Variants in PVT1 observed in about 807,000 individuals in gnomAD.
PVT1 encodes the protein Pvt1 oncogene, also known as CXCR4/PVT1 fusion.
At chr8:127,919,892 TC>T (rs1164640910) in intron 3 of PVT1, among the ~76,000 whole-genome samples, 1 of 152,196 alleles carries the variant, frequency 6.6e-6, no homozygotes, top group African/African-American at 2.4e-5. Flanking sequence ...CTGAATCTTA[TC>T]CCTTCGCAGC....
chr8:127,862,084 A>T (rs1815234505), intron 2 of PVT1, among the ~76,000 whole-genome samples: 1 of 152,156 alleles, frequency 6.6e-6, no homozygotes, highest in Admixed American at 6.6e-5. Flanking sequence ...TGAGCATTCT[A>T]ATTACTGCAG....
rs1381080532 is a variant in PVT1 at position 128,006,829 on chromosome 8, C to T, written n.912+17538C>T. 1.3e-5 allele frequency among the ~76,000 whole-genome samples: 2 copies of T among 152,234 alleles called. 1 individual carries two copies. The highest frequency in any genetic ancestry group is 4.1e-4 in the South Asian group (2 of 4,824). On this transcript the variant is annotated intron_variant and non_coding_transcript_variant, in intron 4 of 10. Coordinates refer to ENST00000651587, the Ensembl canonical transcript of PVT1. Reference sequence around the variant, plus strand: ...TGTGCTCAGATTTTTCTAGATTTTACATTGGGATGCCCTTCAAGTTGGGTT... The same window carrying T: ...TGTGCTCAGATTTTTCTAGATTTTATATTGGGATGCCCTTCAAGTTGGGTT...
At chr8:128,049,601 G>C (rs1813663124) in intron 4 of PVT1, among the ~76,000 whole-genome samples, 1 of 152,130 alleles carries the variant, frequency 6.6e-6, no homozygotes, top group African/African-American at 2.4e-5. Flanking sequence ...GACCTGTGTG[G>C]ATGCATTATC....
rs567441889 is a variant in PVT1, at chr8:127,973,785, C to T, written n.783-15377C>T. 4.6e-5 allele frequency among the ~76,000 whole-genome samples: 7 copies of T among 151,484 alleles called. No homozygotes were observed. The East Asian group carries it at 1.4e-3, about 29-fold the overall frequency. On this transcript the variant is annotated intron_variant and non_coding_transcript_variant, in intron 3 of 10. Transcript: ENST00000651587. Reference sequence around the variant, plus strand: ...ACGAGGTCAGGAGATCGAGACCATCCTGGCTAACATGGTGAAACCCCATCT... The same window carrying T: ...ACGAGGTCAGGAGATCGAGACCATCTTGGCTAACATGGTGAAACCCCATCT...
chr8:127,876,483 G>A (rs1303674447), intron 2 of PVT1, among the ~76,000 whole-genome samples: 1 of 150,314 alleles, frequency 6.7e-6, no homozygotes, highest in African/African-American at 2.5e-5. Flanking sequence ...TTAATACAGT[G>A]AATTTGTATG....
At chr8:127,928,257 A>G (rs1324881043) in intron 3 of PVT1, among the ~76,000 whole-genome samples, 1 of 152,102 alleles carries the variant, frequency 6.6e-6, no homozygotes, top group Non-Finnish European at 1.5e-5. Context: ...TTTAGCAAGA[A>G]TCTTGATAGG....
At position 127,880,435 on chromosome 8, in the gene PVT1, G is replaced by A. The variant is rs556163471; in HGVS notation, n.373-10154G>A. Among the ~76,000 whole-genome samples, 291 of 150,564 alleles carry A rather than the reference G, an allele frequency of 1.9e-3. 1 individual carries two copies. Among genetic ancestry groups the A allele is most frequent in the African/African-American group, 6.4e-3 (264 of 40,952 alleles). ...CTCCTGAGTAGCTGGGACTACAGGC[G>A]CTCGCCACCACGCCCGGCTAATTTT... is the stretch of plus-strand genomic sequence containing the variant. On this transcript the variant is annotated intron_variant and non_coding_transcript_variant, in intron 2 of 10. Transcript: ENST00000651587.
intron 2 of PVT1, among the ~76,000 whole-genome samples, chr8:127,866,094 G>T (rs1815284292): frequency 6.6e-6 from 1 of 152,142 alleles, no homozygotes; most frequent in African/African-American, 2.4e-5. Context: ...GTGCATTAGG[G>T]ACCCCTTCCT....
chr8:128,039,088 G>T (rs1813499649), intron 4 of PVT1, among the ~76,000 whole-genome samples: 1 of 152,186 alleles, frequency 6.6e-6, no homozygotes, highest in Non-Finnish European at 1.5e-5. Context: ...TTGGCCACTG[G>T]AAGGCTTTCT....
intron 3 of PVT1, among the ~76,000 whole-genome samples, chr8:127,893,470 C>T (rs1471336091): frequency 6.6e-6 from 1 of 152,108 alleles, no homozygotes; most frequent in Non-Finnish European, 1.5e-5. Flanking sequence ...TGGTCTTGAA[C>T]TCCTGACTTC....
chr8:127,921,829 A>T (rs1005764548), intron 3 of PVT1, among the ~76,000 whole-genome samples: 5 of 146,188 alleles, frequency 3.4e-5, no homozygotes, highest in East Asian at 4.1e-4. Context: ...AAATAAATTT[A>T]AAAAAATTAT....
At chr8:127,903,808 T>C (rs1410610406) in intron 3 of PVT1, among the ~76,000 whole-genome samples, 1 of 152,242 alleles carries the variant, frequency 6.6e-6, no homozygotes, top group Non-Finnish European at 1.5e-5. Flanking sequence ...ACCAGTACCA[T>C]GCTGTTTGGG....
chr8:127,892,856 G>A (rs1374883384), intron 3 of PVT1, among the ~76,000 whole-genome samples: 1 of 152,088 alleles, frequency 6.6e-6, no homozygotes, highest in Admixed American at 6.5e-5. Flanking sequence ...GAAAGACAGA[G>A]GCAGATACTC....
intron 2 of PVT1, among the ~76,000 whole-genome samples, chr8:127,810,372 C>G (rs1475994385): frequency 6.6e-6 from 1 of 152,356 alleles, no homozygotes. Context: ...AAACTAGATC[C>G]TGAAAGGCAA....
intron 2 of PVT1, among the ~76,000 whole-genome samples, chr8:127,854,089 C>T (rs916944742): frequency 5.3e-5 from 8 of 152,240 alleles, no homozygotes; most frequent in Admixed American, 3.9e-4. Flanking sequence ...CACCCTCCTC[C>T]GATCTAGCAT....
At chr8:128,042,852 C>T (rs888289868) in intron 4 of PVT1, among the ~76,000 whole-genome samples, 10 of 152,016 alleles carry the variant, frequency 6.6e-5, no homozygotes, top group East Asian at 3.9e-4. Flanking sequence ...CAACCTCTGC[C>T]TCCTGGGTTC....
chr8:128,023,698 T>C (rs907926816), intron 4 of PVT1, among the ~76,000 whole-genome samples: 2 of 152,200 alleles, frequency 1.3e-5, no homozygotes, highest in Non-Finnish European at 2.9e-5. Flanking sequence ...TCACTTGAAA[T>C]TCTTTAAGAG....
At chr8:128,019,482 G>A (rs920101117) in intron 4 of PVT1, among the ~76,000 whole-genome samples, 6 of 152,158 alleles carry the variant, frequency 3.9e-5, no homozygotes, top group East Asian at 1.9e-4. Flanking sequence ...AAATCCCACC[G>A]CAGCCGATTT....
chr8:127,904,187 G>A (rs952671960), intron 3 of PVT1, among the ~76,000 whole-genome samples: 4 of 152,136 alleles, frequency 2.6e-5, no homozygotes, highest in African/African-American at 9.7e-5. Context: ...TGTGTATGAA[G>A]CCCTGTTTTC....
Sources: gnomAD v4.1 joint callset for allele counts (sites outside exome capture counted in the v4.1 genomes callset) on GRCh38, gnomAD v4.1.1 for gene constraint, MANE v1.5 for transcripts, NCBI Gene and HGNC (gene_info 2026-07-23, HGNC 2026-07-21) for gene names.